The following RFX2 variants were observed in gnomAD, a reference collection of about 807,000 sequenced individuals.
The protein encoded by RFX2 is DNA-binding protein RFX2.
In RFX2, 20 loss-of-function variants were observed where a neutral mutation model predicts 87.8. The ratio of observed to expected loss-of-function variants is 0.23; its 90% CI spans 0.16 to 0.33. RFX2 has a LOEUF of 0.33. RFX2 is among the 10% of genes least tolerant of loss of function. The pLI is 1.00. For synonymous variants in RFX2, 397 were observed against 431.3 expected (o/e 0.92, Z 0.98); for missense variants, 767 against 1,012.3 (o/e 0.76, Z 3.29).
chr19:6,029,155 A>G (rs2086925032), intron 5 of RFX2, among the ~76,000 whole-genome samples: 1 of 152,026 alleles, frequency 6.6e-6, no homozygotes, highest in African/African-American at 2.4e-5. Flanking sequence ...ACCTATAAGC[A>G]GCAACAGCAA....
At chr19:6,108,947 G>T (rs2088263742) in intron 1 of RFX2, among the ~76,000 whole-genome samples, 1 of 151,972 alleles carries the variant, frequency 6.6e-6, no homozygotes, top group Non-Finnish European at 1.5e-5. Context: ...GAGGCTGGTG[G>T]CGAGGGAGCG....
chr19:6,058,557 C>T (rs1250783315), intron 1 of RFX2, among the ~76,000 whole-genome samples: 2 of 151,388 alleles, frequency 1.3e-5, no homozygotes, highest in Non-Finnish European at 1.5e-5. Context: ...TCGTTCCCTC[C>T]GTGCCTAAGC....
chr19:5,994,802 T>G lies in RFX2; in HGVS notation c.*33A>C. ...TTCCCAGAGTGACCAGGCGGCATCTTTTGGAACCTCGAGGAGGCGCCGGCC... is the reference window on the plus strand; with the variant it reads ...TTCCCAGAGTGACCAGGCGGCATCTGTTGGAACCTCGAGGAGGCGCCGGCC... On this transcript the variant is annotated 3_prime_UTR_variant, in exon 18 of 18. Transcript: ENST00000303657. 6.9e-7 allele frequency: 1 copy of G among 1,451,244 alleles called. No homozygotes were observed. The highest frequency in any genetic ancestry group is 9.6e-7 in the Non-Finnish European group (1 of 1,044,964). The allele number at this position is 1,451,244 out of a possible 1,614,324, so 89.9% of individuals were successfully genotyped here. A position where few individuals can be genotyped will look rare whatever the true frequency, so the allele number is the denominator to read the frequency against.
chr19:6,029,213 A>G (rs1322332399), intron 5 of RFX2, among the ~76,000 whole-genome samples: 1 of 152,072 alleles, frequency 6.6e-6, no homozygotes, highest in African/African-American at 2.4e-5. Flanking sequence ...ACCATGTTAA[A>G]CTATTCAAAA....
Position 6,045,875 on chromosome 19 carries a change from C to T in RFX2, c.90+1532G>A, listed in dbSNP as rs986449686. Among the ~76,000 whole-genome samples the T allele has an allele frequency of 2.6e-5, 4 of 152,050 alleles. No individual in the cohort carries two copies. The highest frequency in any genetic ancestry group is 9.7e-5 in the African/African-American group (4 of 41,392). On this transcript the variant is annotated intron_variant, in intron 2 of 17. Coordinates refer to ENST00000303657, the MANE Select transcript of RFX2 (RefSeq NM_000635.4). This position sits in a 1 kb window ranked among gnomAD's most constrained non-coding sequence, Gnocchi z 5.2. ...TATTATTTTTTGTATTTAGTAGACA[C>T]AGGGTTTCACCATGTTACTCAGACT...
rs2087337366 is a variant in RFX2 at position 6,056,159 on chromosome 19, G to C, written c.-8-8655C>G. On this transcript the variant is annotated intron_variant, in intron 1 of 17. Transcript: ENST00000303657. The surrounding 1 kb of genome is among the most constrained non-coding windows in gnomAD (Gnocchi z 4.6). ...TGTCAAAATTAGCCAGCTAAGGTTT[G>C]TGCACTTACTGTATGTGAATTTTAA... Among the ~76,000 whole-genome samples the C allele has an allele frequency of 1.3e-5, 2 of 152,128 alleles. No homozygotes were observed. The highest frequency in any genetic ancestry group is 1.3e-4 in the Admixed American group (2 of 15,264).
chr19:6,054,604 G>A (rs2087308334), intron 1 of RFX2, among the ~76,000 whole-genome samples: 2 of 151,826 alleles, frequency 1.3e-5, no homozygotes, highest in South Asian at 2.1e-4. Context: ...TTTTCACAAA[G>A]GTGTCAAGGC....
intron 1 of RFX2, among the ~76,000 whole-genome samples, chr19:6,054,531 A>G (rs1222258284): frequency 6.6e-6 from 1 of 152,136 alleles, no homozygotes; most frequent in African/African-American, 2.4e-5. Context: ...TATAACCCAC[A>G]CTTAGATTAT....
intron 1 of RFX2, among the ~76,000 whole-genome samples, chr19:6,059,239 C>T (rs1206491388): frequency 6.6e-6 from 1 of 152,140 alleles, no homozygotes; most frequent in African/African-American, 2.4e-5. Context: ...CTCGGCCTCC[C>T]AAAGTGCTGG....
At chr19:6,018,940 G>A (rs1313896972) in intron 6 of RFX2, among the ~76,000 whole-genome samples, 1 of 152,160 alleles carries the variant, frequency 6.6e-6, no homozygotes, top group Non-Finnish European at 1.5e-5. Flanking sequence ...GGCCGCCCCT[G>A]AATCACTCAA....
Position 6,010,383 on chromosome 19 carries a change from T to C in RFX2, c.900-132A>G, listed in dbSNP as rs1242455046. ...TTTACAAGTTGCGGTCAAATACACA[T>C]AACACAAAAGCTACCATCGGAACCA... On this transcript the variant is annotated intron_variant, in intron 8 of 17. Coordinates refer to ENST00000303657, the MANE Select transcript of RFX2 (RefSeq NM_000635.4). This position sits in a 1 kb window ranked among gnomAD's most constrained non-coding sequence, Gnocchi z 5.0. 7.8e-6 allele frequency: 5 copies of C among 639,262 alleles called. No individual in the cohort carries two copies. The highest frequency in any genetic ancestry group is 5.4e-5 in the African/African-American group (3 of 55,654). The allele number at this position is 639,262 out of a possible 1,614,324, so 39.6% of individuals were successfully genotyped here.
In RFX2 at chr19:6,104,731, A is replaced by G. The variant is rs187804708; in HGVS notation, c.-9+5662T>C. 2.9e-4 allele frequency among the ~76,000 whole-genome samples: 44 copies of G among 152,222 alleles called. No individual in the cohort carries two copies. The East Asian group carries it at 5.2e-3, about 18-fold the overall frequency. On this transcript the variant is annotated intron_variant, in intron 1 of 17. Transcript: ENST00000303657. The stretch of plus-strand genomic sequence containing the variant: ...GCAGCTCTCAACTCTTCATTTCTAC[A>G]TATGCTTTCCCCATAAGTGTCAAGG...
In RFX2 at chr19:6,016,232, C is replaced by T; in HGVS notation, c.637G>A (p.Val213Met). 6.2e-7 allele frequency: 1 copy of T among 1,611,856 alleles called. No homozygotes were observed. Among genetic ancestry groups the T allele is most frequent in the Non-Finnish European group, 8.5e-7 (1 of 1,178,720 alleles). ...LLDNYETAEG[V>M]SLPRSSLYNH... Reference sequence around the variant, plus strand: ...TAAAGAGAACTTCTGGGGAGACTCACACCTTCCGCTGTTTCATAATTATCC... The same window carrying T: ...TAAAGAGAACTTCTGGGGAGACTCATACCTTCCGCTGTTTCATAATTATCC... The change falls in exon 7 of 18, where the codon GTG (valine) becomes ATG (methionine). Residue 213 changes from valine to methionine, a missense_variant. Coordinates refer to ENST00000303657, the MANE Select transcript of RFX2 (RefSeq NM_000635.4). The surrounding 1 kb of genome is among the most constrained non-coding windows in gnomAD (Gnocchi z 5.4).
intron 1 of RFX2, among the ~76,000 whole-genome samples, chr19:6,107,917 CATACATTAAGG>C (rs914460142): frequency 1.3e-5 from 2 of 152,176 alleles, no homozygotes. Flanking sequence ...ATACATCACA[CATACATTAAGG>C]TAATGCGTGC....
chr19:6,037,292 A>AG (rs1438140204), intron 5 of RFX2, among the ~76,000 whole-genome samples: 1 of 144,622 alleles, frequency 6.9e-6, no homozygotes, highest in Non-Finnish European at 1.5e-5. Flanking sequence ...TCAAAAAGAA[A>AG]AAAAAAAAAA....
chr19:6,062,133 T>C (rs2087442466), intron 1 of RFX2, among the ~76,000 whole-genome samples: 1 of 152,134 alleles, frequency 6.6e-6, no homozygotes, highest in Non-Finnish European at 1.5e-5. Flanking sequence ...CACTCCAGCC[T>C]GGGAGACAGA....
At chr19:6,072,885 C>A in intron 1 of RFX2, 1 of 1,211,808 alleles carries the variant, frequency 8.3e-7, no homozygotes, top group Non-Finnish European at 1.2e-6. Context: ...AGGAGTTCAT[C>A]TGGCACCAGT....
intron 1 of RFX2, among the ~76,000 whole-genome samples, chr19:6,095,515 G>A (rs950099021): frequency 6.6e-6 from 1 of 152,066 alleles, no homozygotes; most frequent in South Asian, 2.1e-4. Flanking sequence ...GATGGAACAG[G>A]GTACCATAAA....
chr19:5,996,488 G>A (rs1158593644), intron 16 of RFX2, among the ~76,000 whole-genome samples: 1 of 152,252 alleles, frequency 6.6e-6, no homozygotes, highest in Non-Finnish European at 1.5e-5. Flanking sequence ...TTTCTATGAA[G>A]TGTCCAGGAC....
Sources: allele counts gnomAD v4.1 joint callset (sites outside exome capture counted in the v4.1 genomes callset), GRCh38; gene constraint gnomAD v4.1.1; non-coding constraint Gnocchi (gnomAD v3.1); transcripts MANE v1.5; gene names NCBI Gene and HGNC (gene_info 2026-07-23, HGNC 2026-07-21).